Variants in TMPRSS15 observed in about 807,000 individuals in gnomAD.
The protein encoded by TMPRSS15 is transmembrane serine protease 15.
TMPRSS15 carries 128 observed loss-of-function variants against 125.3 expected under a neutral mutation model. The ratio of observed to expected loss-of-function variants is 1.02; its 90% CI spans 0.89 to 1.18. The LOEUF (loss-of-function observed/expected upper bound fraction) is 1.18, where lower values mean the gene tolerates loss of function less well. TMPRSS15 is among the 50% of genes most tolerant of loss of function. TMPRSS15 has a pLI of 0.00. For synonymous variants in TMPRSS15, 446 were observed against 423.2 expected, an observed-to-expected ratio of 1.05 and a Z score of -0.66; for missense variants, 1,283 against 1,212.7, an observed-to-expected ratio of 1.06 and a Z score of -0.86.
chr21:18,319,187 T>C (rs998592380), intron 16 of TMPRSS15, among the ~76,000 whole-genome samples: 2 of 152,110 alleles, frequency 1.3e-5, no homozygotes, highest in East Asian at 1.9e-4. Context: ...TGGTTGAAGG[T>C]GCAATTTAGC....
At chr21:18,366,345 G>T (rs752614862) in intron 6 of TMPRSS15, among the ~76,000 whole-genome samples, 4 of 152,118 alleles carry the variant, frequency 2.6e-5, no homozygotes, top group Non-Finnish European at 5.9e-5. Context: ...TCCTTTGGGA[G>T]ATAACTAGTT....
intron 1 of TMPRSS15, among the ~76,000 whole-genome samples, chr21:18,421,703 TAATC>T (rs2076192290): frequency 6.6e-6 from 1 of 152,218 alleles, no homozygotes; most frequent in Non-Finnish European, 1.5e-5. Context: ...CTCTTCTCCT[TAATC>T]TATTTATGGA....
chr21:18,477,176 C>G (rs573182559), intron 1 of TMPRSS15, among the ~76,000 whole-genome samples: 1 of 152,256 alleles, frequency 6.6e-6, no homozygotes, highest in South Asian at 2.1e-4. Flanking sequence ...CCAAACCAAT[C>G]TTACCGAGTT....
At chr21:18,326,816 A>G (rs886859703) in intron 15 of TMPRSS15, among the ~76,000 whole-genome samples, 8 of 152,236 alleles carry the variant, frequency 5.3e-5, no homozygotes, top group Non-Finnish European at 8.8e-5. Flanking sequence ...GTAATGATGA[A>G]TTACTTATAA....
At position 18,326,512 on chromosome 21, in the gene TMPRSS15, ACAGT is replaced by A. The variant is rs764002040; in HGVS notation, c.1837_1840del (p.Thr613CysfsTer46). On this transcript the variant is annotated frameshift_variant, in exon 16 of 25. Coordinates refer to ENST00000284885, the MANE Select transcript of TMPRSS15 (RefSeq NM_002772.3). LOFTEE classifies it high-confidence loss of function. ...CAACACATCGTTAGTGATGAGAAGC[ACAGT>A]CATTCTGTTGGTGGTAGAGAACACA... 19 of 1,614,026 alleles carry A rather than the reference ACAGT, an allele frequency of 1.2e-5. No homozygotes were observed. The highest frequency in any genetic ancestry group is 1.6e-5 in the Non-Finnish European group (19 of 1,179,994).
chr21:18,434,152 T>C (rs148634423), intron 1 of TMPRSS15, among the ~76,000 whole-genome samples: 3 of 152,312 alleles, frequency 2.0e-5, no homozygotes, highest in Non-Finnish European at 4.4e-5. Context: ...AAAGATAGCA[T>C]ATACGTGTTC....
intron 23 of TMPRSS15, 78 bp from the exon 24 acceptor site, chr21:18,275,414 T>C: frequency 2.6e-6 from 4 of 1,540,256 alleles, no homozygotes; most frequent in Admixed American, 1.7e-5. Context: ...ATCAGTCCTA[T>C]TTATTCCAAC....
intron 1 of TMPRSS15, among the ~76,000 whole-genome samples, chr21:18,461,258 T>C (rs192651540): frequency 6.6e-6 from 1 of 152,224 alleles, no homozygotes; most frequent in East Asian, 1.9e-4. Flanking sequence ...TTAATTTCTG[T>C]TTTTCTACAT....
chr21:18,329,356 A>T (rs951733096), intron 14 of TMPRSS15, 62 bp from the exon 15 acceptor site: 2 of 1,537,700 alleles, frequency 1.3e-6, no homozygotes, highest in Non-Finnish European at 1.8e-6. Context: ...TAAAAGCTTC[A>T]CTCTCTTGAG....
At chr21:18,426,126 G>A (rs898885667) in intron 1 of TMPRSS15, among the ~76,000 whole-genome samples, 4 of 151,400 alleles carry the variant, frequency 2.6e-5, no homozygotes, top group African/African-American at 9.7e-5. Flanking sequence ...TTTATTTTAC[G>A]AACCCTTATT....
At chr21:18,449,291 T>C (rs752125916) in intron 1 of TMPRSS15, among the ~76,000 whole-genome samples, 3 of 152,108 alleles carry the variant, frequency 2.0e-5, no homozygotes, top group Non-Finnish European at 4.4e-5. Flanking sequence ...ATCTAATGCA[T>C]ATAGTATGCT....
Position 18,305,183 on chromosome 21 carries a change from C to CTTTTTTTTTTTTTTTTTT in TMPRSS15, c.2166-7372_2166-7355dup, listed in dbSNP as rs59103494. 1.0e-4 allele frequency among the ~76,000 whole-genome samples: 9 copies of CTTTTTTTTTTTTTTTTTT among 86,054 alleles called. 1 individual carries two copies. Among genetic ancestry groups the CTTTTTTTTTTTTTTTTTT allele is most frequent in the African/African-American group, 3.1e-4 (7 of 22,584 alleles). The allele number at this position is 86,054 out of a possible 152,430, so 56.5% of individuals were successfully genotyped here. A position where few individuals can be genotyped will look rare whatever the true frequency, so the allele number is the denominator to read the frequency against. On this transcript the variant is annotated intron_variant, in intron 18 of 24. Transcript: ENST00000284885. ...GGATTCCAGGATTTGAATTTCCGTA[C>CTTTTTTTTTTTTTTTTTT]TTTTTTTTTTTTTTTTTTTTTTTGA...
intron 6 of TMPRSS15, among the ~76,000 whole-genome samples, chr21:18,365,572 CTT>C (rs1288773221): frequency 1.1e-5 from 1 of 94,350 alleles, no homozygotes; most frequent in South Asian, 4.2e-4. Flanking sequence ...CTTTCTCTCT[CTT>C]TCTCTCTTTT....
chr21:18,361,510 T>C (rs1362960996), intron 7 of TMPRSS15, among the ~76,000 whole-genome samples: 1 of 152,156 alleles, frequency 6.6e-6, no homozygotes, highest in East Asian at 1.9e-4. Flanking sequence ...CCATGGAGGA[T>C]ACTGAGTGAA....
At chr21:18,320,905 G>T (rs75775770) in intron 16 of TMPRSS15, among the ~76,000 whole-genome samples, 3,296 of 152,236 alleles carry the variant, frequency 0.022, 121 homozygotes, top group African/African-American at 0.074. Flanking sequence ...GAAAGAAAAA[G>T]AAATATTGCT....
At chr21:18,342,426 A>G (rs964156014) in intron 12 of TMPRSS15, among the ~76,000 whole-genome samples, 4 of 152,228 alleles carry the variant, frequency 2.6e-5, no homozygotes, top group South Asian at 2.1e-4. Context: ...CAAGGAGACT[A>G]TGGTGACTTG....
rs539968323 is a variant in TMPRSS15 at position 18,440,372 on chromosome 21, C to CAAAAAAAAAAAAAA, written c.11-42057_11-42044dup. ...TGGGCGACAGAGCGAAACTCCGTCT[C>CAAAAAAAAAAAAAA]AAAAAAAAAAAAAAAAAGAAAACTG... On this transcript the variant is annotated intron_variant, in intron 1 of 7. Transcript: ENST00000422787. Among the ~76,000 whole-genome samples the CAAAAAAAAAAAAAA allele has an allele frequency of 1.9e-3, 88 of 47,222 alleles. 1 individual carries two copies. The highest frequency in any genetic ancestry group is 0.023 in the Middle Eastern group (1 of 44). 31.0% of individuals were successfully genotyped at this position (47,222 alleles called of 152,430 possible).
intron 3 of TMPRSS15, among the ~76,000 whole-genome samples, chr21:18,393,117 G>A (rs538161786): frequency 6.6e-6 from 1 of 152,270 alleles, no homozygotes; most frequent in South Asian, 2.1e-4. Context: ...TCGAGTTGGG[G>A]AGGAGAAACA....
chr21:18,278,799 TAA>T (rs2074652093), intron 23 of TMPRSS15, among the ~76,000 whole-genome samples, 163 bp downstream of exon 23: 1 of 152,096 alleles, frequency 6.6e-6, no homozygotes, highest in Non-Finnish European at 1.5e-5. Flanking sequence ...TACACAACTC[TAA>T]ATATATATAT....
Sources: gnomAD v4.1 joint callset for allele counts (sites outside exome capture counted in the v4.1 genomes callset) on GRCh38, gnomAD v4.1.1 for gene constraint, MANE v1.5 for transcripts, NCBI Gene and HGNC (gene_info 2026-07-23, HGNC 2026-07-21) for gene names.